Variants in GPR107 observed in about 807,000 individuals in gnomAD.
GPR107 encodes G protein-coupled receptor 107.
In GPR107, 31 loss-of-function variants were observed where a neutral mutation model predicts 75.5. The ratio of observed to expected loss-of-function variants is 0.41; its 90% confidence interval spans 0.31 to 0.55. The LOEUF is 0.55. GPR107 is among the 20% of genes least tolerant of loss of function. GPR107 has a pLI of 0.26. For synonymous variants in GPR107, 267 were observed against 251.3 expected (o/e 1.06, Z -0.59); for missense variants, 572 against 665.7 (o/e 0.86, Z 1.55).
At chr9:130,071,037 T>TTTC (rs1554891201) in intron 1 of GPR107, among the ~76,000 whole-genome samples, 1 of 136,786 alleles carries the variant, frequency 7.3e-6, no homozygotes, top group African/African-American at 2.7e-5. Flanking sequence ...TTTTTTTTCT[T>TTTC]TTTTTTTTTT....
intron 13 of GPR107, among the ~76,000 whole-genome samples, chr9:130,107,222 G>A (rs998874876): frequency 6.6e-6 from 1 of 152,150 alleles, no homozygotes; most frequent in African/African-American, 2.4e-5. Flanking sequence ...ATTAACAGGA[G>A]CATTAAATGA....
chr9:130,058,293 C>G (rs189714590), intron 1 of GPR107, among the ~76,000 whole-genome samples: 8 of 152,182 alleles, frequency 5.3e-5, no homozygotes, highest in Non-Finnish European at 8.8e-5. Flanking sequence ...CAGCTATGAC[C>G]ACAATCTAGC....
At chr9:130,118,043 G>C (rs554043965) in intron 14 of GPR107, among the ~76,000 whole-genome samples, 2 of 152,204 alleles carry the variant, frequency 1.3e-5, no homozygotes, top group African/African-American at 2.4e-5. Context: ...AGCATGAAGC[G>C]TAGGTGTTAA....
chr9:130,070,027 A>C, intron 1 of GPR107, among the ~76,000 whole-genome samples: 1 of 87,952 alleles, frequency 1.1e-5, no homozygotes, highest in Admixed American at 1.2e-4. Context: ...TTTTTGAGAC[A>C]GGGTCTTGCT....
chr9:130,092,299 C>G lies in GPR107; in HGVS notation c.781C>G (p.Pro261Ala), dbSNP rs1162664638. The G allele has an allele frequency of 6.2e-7, 1 of 1,603,848 alleles. No homozygotes were observed. The highest frequency in any genetic ancestry group is 1.3e-5 in the African/African-American group (1 of 74,748). The change falls in exon 9 of 18, where the codon CCT (proline) becomes GCT (alanine). Residue 261 changes from proline to alanine, a missense_variant. Transcript: ENST00000347136. ...PDSYLSAGEIPLPKLYISMAF... is the reference protein window; with the variant it reads ...PDSYLSAGEIALPKLYISMAF... ...CAGCTACCTCTCAGCAGGAGAAATT[C>G]CTCTCCCCAAATTATACATCTCAAT...
chr9:130,084,158 GA>G (rs746758693), intron 6 of GPR107, among the ~76,000 whole-genome samples: 225 of 151,208 alleles, frequency 1.5e-3, no homozygotes, highest in Non-Finnish European at 2.7e-3. Flanking sequence ...AGCACTTTGG[GA>G]GGTTGAGGTT....
At chr9:130,108,409 T>A (rs1485145874) in intron 14 of GPR107, among the ~76,000 whole-genome samples, 2 of 152,268 alleles carry the variant, frequency 1.3e-5, no homozygotes, top group African/African-American at 2.4e-5. Flanking sequence ...GCTGTAAATC[T>A]TCTTTCACAA....
At position 130,101,238 on chromosome 9, in the gene GPR107, A is replaced by C; in HGVS notation, c.1131+15A>C. 7.7e-6 allele frequency: 10 copies of C among 1,302,160 alleles called. No individual in the cohort carries two copies. The highest frequency in any genetic ancestry group is 1.4e-5 in the African/African-American group (1 of 69,068). The allele number at this position is 1,302,160 out of a possible 1,614,324, so 80.7% of individuals were successfully genotyped here. A position where few individuals can be genotyped will look rare whatever the true frequency, so the allele number is the denominator to read the frequency against. On this transcript the variant is annotated intron_variant, in intron 12 of 17. Transcript: ENST00000347136. ...TTCCACTCCAGGTAAAAGAACCCTC[A>C]TCCCATTTGTCACTTCCTTTCTTGG...
At chr9:130,108,501 A>C (rs1831214609) in intron 14 of GPR107, among the ~76,000 whole-genome samples, 1 of 152,230 alleles carries the variant, frequency 6.6e-6, no homozygotes, top group African/African-American at 2.4e-5. Context: ...GGTCAGCCCT[A>C]GGTTGTTATT....
intron 1 of GPR107, among the ~76,000 whole-genome samples, chr9:130,066,721 C>A (rs1367393482): frequency 6.6e-6 from 1 of 152,070 alleles, no homozygotes; most frequent in Non-Finnish European, 1.5e-5. Flanking sequence ...CGCGGTGGCT[C>A]ATGCCTGTAA....
intron 13 of GPR107, 42 bp downstream of exon 13, chr9:130,104,592 T>C: frequency 1.3e-6 from 2 of 1,581,342 alleles, no homozygotes; most frequent in South Asian, 2.2e-5. Flanking sequence ...ACAGCTTGGC[T>C]GTCAAGCCCA....
intron 1 of GPR107, among the ~76,000 whole-genome samples, chr9:130,066,440 G>A (rs1487134026): frequency 6.6e-6 from 1 of 151,890 alleles, no homozygotes; most frequent in East Asian, 1.9e-4. Flanking sequence ...CCTCATCTCG[G>A]GCCCATTGAT....
At chr9:130,084,074 A>G (rs886379712) in intron 6 of GPR107, among the ~76,000 whole-genome samples, 2 of 145,484 alleles carry the variant, frequency 1.4e-5, no homozygotes, top group East Asian at 4.1e-4. Flanking sequence ...ATATATGTAC[A>G]CACATACATA....
At chr9:130,118,986 C>G (rs1381188550) in intron 14 of GPR107, among the ~76,000 whole-genome samples, 1 of 152,240 alleles carries the variant, frequency 6.6e-6, no homozygotes, top group Non-Finnish European at 1.5e-5. Flanking sequence ...TGCTGCTCCT[C>G]ATGGTGAGGT....
At chr9:130,091,098 A>T in intron 8 of GPR107, 115 bp downstream of exon 8, 1 of 650,040 alleles carries the variant, frequency 1.5e-6, no homozygotes, top group Non-Finnish European at 2.7e-6. Context: ...GGGCAGACAC[A>T]CATTCCTGCC....
At chr9:130,116,514 G>A in intron 14 of GPR107, among the ~76,000 whole-genome samples, 1 of 152,212 alleles carries the variant, frequency 6.6e-6, no homozygotes, top group Admixed American at 6.5e-5. Context: ...GGGGTTGGGG[G>A]TAATGTGCGC....
At chr9:130,085,753 G>GTTTTTTTTTTTTTTTT (rs1189602398) in intron 6 of GPR107, among the ~76,000 whole-genome samples, 16 of 32,246 alleles carry the variant, frequency 5.0e-4, no homozygotes, top group African/African-American at 5.1e-4. Flanking sequence ...GCAATATTTT[G>GTTTTTTTTTTTTTTTT]ATTTTTTTTT....
At chr9:130,061,380 C>T (rs1258767565) in intron 1 of GPR107, among the ~76,000 whole-genome samples, 1 of 152,142 alleles carries the variant, frequency 6.6e-6, no homozygotes, top group African/African-American at 2.4e-5. Context: ...AATGAATGAG[C>T]CAGGCATTTG....
At chr9:130,123,557 C>T (rs1218193616) in intron 14 of GPR107, among the ~76,000 whole-genome samples, 41 of 113,952 alleles carry the variant, frequency 3.6e-4, no homozygotes, top group Middle Eastern at 6.6e-3. Flanking sequence ...TTTGTAGAAA[C>T]GGGGTTCTAC....
Sources: gnomAD v4.1 joint callset for allele counts (sites outside exome capture counted in the v4.1 genomes callset) on GRCh38, gnomAD v4.1.1 for gene constraint, MANE v1.5 for transcripts, NCBI Gene and HGNC (gene_info 2026-07-23, HGNC 2026-07-21) for gene names.